ASXL2: variants seen among roughly 807,000 people sequenced by gnomAD.
ASXL2 encodes putative Polycomb group protein ASXL2.
In ASXL2, 23 loss-of-function variants were observed where a neutral mutation model predicts 122.0. The observed-to-expected ratio is 0.19, with a 90% CI of 0.14 to 0.27. The LOEUF (loss-of-function observed/expected upper bound fraction) is 0.27, where lower values mean the gene tolerates loss of function less well. Among genes scored for constraint, ASXL2 ranks in the 10% least tolerant of loss-of-function variants. The probability of loss-of-function intolerance (pLI) is 1.00; values close to 1 mark genes in which losing one functional copy is unlikely to be tolerated. For synonymous variants in ASXL2, 650 were observed against 637.0 expected (o/e 1.02, Z -0.31); for missense variants, 1,518 against 1,713.8 (o/e 0.89, Z 2.02).
chr2:25,792,766 C>A (rs1442043896), intron 5 of ASXL2, among the ~76,000 whole-genome samples: 3 of 151,702 alleles, frequency 2.0e-5, no homozygotes, highest in Non-Finnish European at 4.4e-5. Context: ...CCACCACACC[C>A]AGCTAATTTT....
At chr2:25,789,136 T>C (rs1304917471) in intron 5 of ASXL2, among the ~76,000 whole-genome samples, 3 of 152,134 alleles carry the variant, frequency 2.0e-5, no homozygotes, top group Non-Finnish European at 4.4e-5. Flanking sequence ...AGATCCATTT[T>C]AGTTCTACTG....
At chr2:25,827,024 G>A (rs1227059360) in intron 3 of ASXL2, among the ~76,000 whole-genome samples, 1 of 142,452 alleles carries the variant, frequency 7.0e-6, no homozygotes, top group Admixed American at 7.1e-5. Flanking sequence ...TTTGGGTAGA[G>A]ATAGGGTCTC....
Position 25,806,821 on chromosome 2 carries a change from A to G in ASXL2, c.144-484T>C, listed in dbSNP as rs1353058893. Among the ~76,000 whole-genome samples the G allele has an allele frequency of 2.6e-5, 4 of 152,186 alleles. No individual in the cohort carries two copies. The East Asian group carries it at 7.7e-4, about 29-fold the overall frequency. On this transcript the variant is annotated intron_variant, in intron 3 of 12. Coordinates refer to ENST00000435504, the MANE Select transcript of ASXL2 (RefSeq NM_018263.6). ...GAGATCACTTAAAAAGTTATTAAGT[A>G]GGCTTCTGAATATTTATATGTAGCA...
intron 8 of ASXL2, among the ~76,000 whole-genome samples, chr2:25,764,995 TAATC>T (rs2088318944): frequency 1.3e-5 from 2 of 152,248 alleles, no homozygotes; most frequent in Non-Finnish European, 2.9e-5. Flanking sequence ...TAGGTTGACT[TAATC>T]TATTATATTA....
chr2:25,819,184 C>T (rs546064921), intron 3 of ASXL2, among the ~76,000 whole-genome samples: 20 of 152,308 alleles, frequency 1.3e-4, no homozygotes, highest in African/African-American at 3.1e-4. Flanking sequence ...CCCTGACCAA[C>T]GCTCTGCTGC....
At chr2:25,860,700 G>C (rs2089834715) in intron 1 of ASXL2, among the ~76,000 whole-genome samples, 4 of 123,028 alleles carry the variant, frequency 3.3e-5, no homozygotes, top group Admixed American at 2.5e-4. Flanking sequence ...GACAGAGAGA[G>C]ACTCCATCTC....
At chr2:25,863,674 C>G (rs1427177246) in intron 1 of ASXL2, among the ~76,000 whole-genome samples, 7 of 151,692 alleles carry the variant, frequency 4.6e-5, no homozygotes. Context: ...GCCTCGGGAA[C>G]AGAGTAAGAC....
intron 5 of ASXL2, among the ~76,000 whole-genome samples, chr2:25,773,767 C>G (rs761580804): frequency 2.6e-5 from 4 of 151,448 alleles, no homozygotes; most frequent in African/African-American, 7.3e-5. Context: ...CTGGGCACGG[C>G]GGCTCACACC....
chr2:25,806,767 C>T (rs1317060473), intron 3 of ASXL2, among the ~76,000 whole-genome samples: 5 of 152,096 alleles, frequency 3.3e-5, no homozygotes, highest in Non-Finnish European at 7.4e-5. Flanking sequence ...TAACACATTG[C>T]CATTGTCTCT....
Position 25,744,935 on chromosome 2 carries a change from CCA to C in ASXL2, c.1861-461_1861-460del, listed in dbSNP as rs10579555. On this transcript the variant is annotated intron_variant, in intron 12 of 12. Transcript: ENST00000435504. This position sits in a 1 kb window ranked among gnomAD's most constrained non-coding sequence, Gnocchi z 4.7. ...GGGAAAATACTTGCTCTTCTCTGTT[CCA>C]CACACACACACACACACACACACAC... Among the ~76,000 whole-genome samples, 11,141 of 138,154 alleles carry C rather than the reference CCA, an allele frequency of 0.081. 411 individuals carry two copies. The highest frequency in any genetic ancestry group is 0.084 in the African/African-American group (3,081 of 36,760). 90.6% of individuals were successfully genotyped at this position (138,154 alleles called of 152,430 possible).
chr2:25,823,477 A>C (rs1559521292), intron 3 of ASXL2, among the ~76,000 whole-genome samples: 1 of 152,250 alleles, frequency 6.6e-6, no homozygotes, highest in African/African-American at 2.4e-5. Flanking sequence ...TATTCTATAT[A>C]AGTGATTACT....
intron 1 of ASXL2, among the ~76,000 whole-genome samples, chr2:25,865,543 G>A (rs1028522860): frequency 3.3e-5 from 5 of 151,612 alleles, no homozygotes; most frequent in East Asian, 1.9e-4. Context: ...CAAGGTAGGC[G>A]GATAACGAGG....
chr2:25,866,325 T>G (rs1167674579), intron 1 of ASXL2, among the ~76,000 whole-genome samples: 1 of 151,976 alleles, frequency 6.6e-6, no homozygotes, highest in African/African-American at 2.4e-5. Context: ...GAGACAAGGT[T>G]TCACCATGTT....
At chr2:25,798,729 A>G (rs2088948378) in intron 5 of ASXL2, among the ~76,000 whole-genome samples, 1 of 152,056 alleles carries the variant, frequency 6.6e-6, no homozygotes, top group Non-Finnish European at 1.5e-5. Flanking sequence ...ACGCCATTGC[A>G]CTCCAGCCAG....
intron 5 of ASXL2, among the ~76,000 whole-genome samples, chr2:25,781,731 A>G (rs1316768277): frequency 6.9e-6 from 1 of 145,318 alleles, no homozygotes; most frequent in Non-Finnish European, 1.5e-5. Flanking sequence ...GTGCAGTGGC[A>G]CTATCTCGGC....
Position 25,742,238 on chromosome 2 carries a change from T to C in ASXL2, c.4099A>G (p.Ile1367Val), listed in dbSNP as rs1177530718. 23 of 1,613,866 alleles carry C rather than the reference T, an allele frequency of 1.4e-5. No individual in the cohort carries two copies. The highest frequency in any genetic ancestry group is 1.9e-5 in the Non-Finnish European group (23 of 1,179,902). Residue 1367 changes from isoleucine (I) to valine (V), a missense_variant, in exon 13 of 13, where the codon ATC (isoleucine) becomes GTC (valine). By Grantham distance (29) the Ile-to-Val change is conservative. Around this residue, in one of 8 missense-constraint regions of ASXL2, gnomAD observed 831 missense variants for 833.1 expected, o/e 1.00. Transcript: ENST00000435504. The part of the protein sequence containing the change: ...VMSFSVTVTT[I>V]PASQAMNPSS... ...GGATTCATAGCTTGGCTAGCAGGGA[T>C]GGTAGTGACAGTCACTGAAAATGAC...
At chr2:25,810,527 GTTCCC>G in intron 3 of ASXL2, 2 of 737,894 alleles carry the variant, frequency 2.7e-6, no homozygotes, top group Non-Finnish European at 4.9e-6. Context: ...GCCTCAGCCT[GTTCCC>G]AGGCGCGCCT....
chr2:25,791,445 C>A (rs149389809), intron 5 of ASXL2, among the ~76,000 whole-genome samples: 1,769 of 151,526 alleles, frequency 0.012, 27 homozygotes, highest in Non-Finnish European at 0.021. Flanking sequence ...CGAGATCATG[C>A]CATTGCACTC....
chr2:25,773,392 G>A (rs1331132772), intron 5 of ASXL2, among the ~76,000 whole-genome samples: 4 of 152,050 alleles, frequency 2.6e-5, no homozygotes, highest in African/African-American at 4.8e-5. Context: ...TTGGCCAGGC[G>A]CGGTGGCTCA....
Sources: gnomAD v4.1 joint callset for allele counts (sites outside exome capture counted in the v4.1 genomes callset) on GRCh38, gnomAD v4.1.1 for gene constraint, gnomAD v4.1.1 regional missense constraint, Gnocchi (gnomAD v3.1) non-coding constraint, MANE v1.5 for transcripts, NCBI Gene and HGNC (gene_info 2026-07-23, HGNC 2026-07-21) for gene names.